The following DAB1 variants were observed in gnomAD, a reference collection of about 807,000 sequenced individuals.
The protein encoded by DAB1 is disabled homolog 1.
In DAB1, 15 loss-of-function variants were observed where a neutral mutation model predicts 64.6. The ratio of observed to expected loss-of-function variants is 0.23; its 90% CI spans 0.16 to 0.36. The LOEUF (loss-of-function observed/expected upper bound fraction) is 0.36. Ranked by LOEUF, DAB1 falls within the 10% of genes least tolerant of loss-of-function variation. DAB1 has a pLI of 1.00. For synonymous variants in DAB1, 235 were observed against 251.9 expected (o/e 0.93, Z 0.64); for missense variants, 596 against 706.7 (o/e 0.84, Z 1.78).
intron 1 of DAB1, among the ~76,000 whole-genome samples, chr1:57,394,052 A>C (rs1249652302): frequency 6.6e-6 from 1 of 152,178 alleles, no homozygotes; most frequent in East Asian, 1.9e-4. Flanking sequence ...TCAACGTAGC[A>C]TTATGCTGTA....
At chr1:57,237,359 C>A (rs1668168643) in intron 2 of DAB1, among the ~76,000 whole-genome samples, 1 of 152,130 alleles carries the variant, frequency 6.6e-6, no homozygotes, top group Non-Finnish European at 1.5e-5. Flanking sequence ...ACTTCCTAGA[C>A]TTTTTTAATA....
At chr1:57,447,552 C>CT (rs1487970874) in intron 7 of DAB1, among the ~76,000 whole-genome samples, 8 of 152,148 alleles carry the variant, frequency 5.3e-5, no homozygotes, top group Non-Finnish European at 1.0e-4. Context: ...CTTCTGTGGG[C>CT]TTTATTTTCA....
At chr1:57,062,825 A>T in intron 9 of DAB1, 59 bp downstream of exon 9, 2 of 1,407,970 alleles carry the variant, frequency 1.4e-6, no homozygotes, top group Non-Finnish European at 2.0e-6. Flanking sequence ...CAGGCTGTAG[A>T]CAGCCTCAGT....
chr1:57,544,253 C>A (rs1268788560), intron 7 of DAB1, among the ~76,000 whole-genome samples: 1 of 152,198 alleles, frequency 6.6e-6, no homozygotes, highest in Non-Finnish European at 1.5e-5. Flanking sequence ...ATCAGATTAG[C>A]AATTCAACAT....
intron 4 of DAB1, among the ~76,000 whole-genome samples, chr1:58,174,839 G>A (rs750712990): frequency 1.0e-4 from 15 of 145,278 alleles, no homozygotes; most frequent in Non-Finnish European, 1.7e-4. Flanking sequence ...ACCAATCAGC[G>A]CTCTGTAAAA....
At chr1:57,824,677 T>C (rs1455822786), downstream of DAB1, among the ~76,000 whole-genome samples, 1 of 152,162 alleles carries the variant, frequency 6.6e-6, no homozygotes, top group African/African-American at 2.4e-5. Context: ...ACCAACACCA[T>C]AGCGTAGCCT....
chr1:58,445,355 A>G (rs1486397986), intron 3 of DAB1, among the ~76,000 whole-genome samples: 1 of 152,224 alleles, frequency 6.6e-6, no homozygotes, highest in Non-Finnish European at 1.5e-5. Flanking sequence ...GGAGGAAGAC[A>G]TTAAAACCCC....
intron 1 of DAB1, among the ~76,000 whole-genome samples, chr1:57,401,324 T>A (rs1246950088): frequency 4.5e-4 from 69 of 152,224 alleles, no homozygotes; most frequent in Admixed American, 4.5e-3. Context: ...TAAAATGCAA[T>A]GTAGTTTATT....
intron 9 of DAB1, among the ~76,000 whole-genome samples, chr1:57,054,806 A>G (rs1649585324): frequency 1.3e-5 from 2 of 152,170 alleles, no homozygotes; most frequent in South Asian, 4.1e-4. Flanking sequence ...CAGTCACAAA[A>G]AAGTCAAGAT....
intron 9 of DAB1, among the ~76,000 whole-genome samples, chr1:57,046,496 A>C (rs753654391): frequency 6.6e-6 from 1 of 152,370 alleles, no homozygotes; most frequent in South Asian, 2.1e-4. Flanking sequence ...GGAGAAAGAA[A>C]GAACCTCAAC....
rs118037367 is a variant in DAB1, at chr1:57,431,477, A to G, written n.626-140311T>C. On this transcript the variant is annotated intron_variant and non_coding_transcript_variant, in intron 7 of 20. Transcript: ENST00000485760. ...AAAAAAGCAATGAAAAAATATTTCT[A>G]TGCAGCTTCATCACAACAGAACATC... is the stretch of plus-strand genomic sequence containing the variant. Among the ~76,000 whole-genome samples, 20 of 152,360 alleles carry G rather than the reference A, an allele frequency of 1.3e-4. No homozygotes were observed. In the East Asian group the frequency reaches 3.5e-3, roughly 26 times the overall value.
chr1:58,274,879 G>A (rs1661402040), intron 4 of DAB1, among the ~76,000 whole-genome samples: 1 of 151,938 alleles, frequency 6.6e-6, no homozygotes, highest in East Asian at 2.0e-4. Context: ...CACGGTGCGC[G>A]CACCCACTGG....
At chr1:58,293,021 C>T (rs1438159069) in intron 4 of DAB1, among the ~76,000 whole-genome samples, 1 of 152,086 alleles carries the variant, frequency 6.6e-6, no homozygotes, top group Non-Finnish European at 1.5e-5. Flanking sequence ...AGAGTTTCCT[C>T]CCAAAGATTG....
chr1:58,198,703 A>ATAGTTCC (rs1344730564), intron 4 of DAB1, among the ~76,000 whole-genome samples: 97 of 152,276 alleles, frequency 6.4e-4, no homozygotes, highest in African/African-American at 2.3e-3. Context: ...GGCTATAGTG[A>ATAGTTCC]TTGGTTCAGG....
At chr1:58,494,449 A>G (rs1397782155) in intron 3 of DAB1, among the ~76,000 whole-genome samples, 1 of 152,230 alleles carries the variant, frequency 6.6e-6, no homozygotes, top group African/African-American at 2.4e-5. Flanking sequence ...GCTTCTGCAC[A>G]GCAAAAGAAA....
intron 7 of DAB1, among the ~76,000 whole-genome samples, chr1:57,603,700 A>G (rs1446017384): frequency 6.6e-6 from 1 of 152,204 alleles, no homozygotes; most frequent in African/African-American, 2.4e-5. Context: ...TCAAGTTTAC[A>G]CAAGAGGCTC....
intron 6 of DAB1, among the ~76,000 whole-genome samples, chr1:57,730,280 C>T (rs888973683): frequency 6.6e-6 from 1 of 152,212 alleles, no homozygotes; most frequent in Non-Finnish European, 1.5e-5. Flanking sequence ...CATTAATACA[C>T]TTGTTCTGTT....
chr1:57,143,482 T>C (rs1162004977), intron 3 of DAB1, among the ~76,000 whole-genome samples: 1 of 152,244 alleles, frequency 6.6e-6, no homozygotes, highest in Non-Finnish European at 1.5e-5. Context: ...AAGGTGATTG[T>C]GAAATCATGG....
chr1:57,850,688 G>A, intron 1 of DAB1, among the ~76,000 whole-genome samples: 1 of 152,164 alleles, frequency 6.6e-6, no homozygotes, highest in East Asian at 1.9e-4. Context: ...CATCTTATGT[G>A]ACGGCACATT....
Sources: gnomAD v4.1 joint callset for allele counts (sites outside exome capture counted in the v4.1 genomes callset) on GRCh38, gnomAD v4.1.1 for gene constraint, MANE v1.5 for transcripts, NCBI Gene and HGNC (gene_info 2026-07-23, HGNC 2026-07-21) for gene names.